Variants in NRIP1 observed in about 807,000 individuals in gnomAD.
NRIP1 encodes the protein nuclear receptor-interacting protein 1.
NRIP1 carries 28 observed loss-of-function variants against 75.0 expected under a neutral mutation model. The observed-to-expected ratio is 0.37, with a 90% confidence interval of 0.28 to 0.51. The LOEUF (loss-of-function observed/expected upper bound fraction) is 0.51, where lower values mean the gene tolerates loss of function less well. Among genes scored for constraint, NRIP1 ranks in the 20% least tolerant of loss-of-function variants. NRIP1 has a pLI of 0.92. For missense variants in NRIP1, 1,435 were observed against 1,343.7 expected (o/e 1.07, Z -1.06); for synonymous variants, 526 against 487.6 (o/e 1.08, Z -1.04).
intron 3 of NRIP1, among the ~76,000 whole-genome samples, chr21:14,972,399 G>C (rs1156550989): frequency 1.3e-5 from 2 of 152,082 alleles, no homozygotes; most frequent in East Asian, 3.9e-4. Flanking sequence ...TATGGATTTA[G>C]GGTATTAAGG....
At chr21:15,005,994 T>G (rs2087962807) in intron 3 of NRIP1, among the ~76,000 whole-genome samples, 1 of 152,116 alleles carries the variant, frequency 6.6e-6, no homozygotes, top group Non-Finnish European at 1.5e-5. Flanking sequence ...AAAAAATATT[T>G]CCATCAATAT....
intron 1 of NRIP1, among the ~76,000 whole-genome samples, chr21:15,064,395 G>A (rs1400408474): frequency 6.6e-6 from 1 of 152,196 alleles, no homozygotes; most frequent in Non-Finnish European, 1.5e-5. Context: ...CGGGGTTCGG[G>A]ACCGAGAGGG....
intron 3 of NRIP1, among the ~76,000 whole-genome samples, chr21:14,981,501 C>T (rs568137858): frequency 1.3e-5 from 2 of 152,252 alleles, no homozygotes; most frequent in Non-Finnish European, 2.9e-5. Context: ...CAGATACAGA[C>T]CCAGGTTGGG....
At chr21:14,997,198 T>G (rs891822090) in intron 3 of NRIP1, among the ~76,000 whole-genome samples, 1 of 152,154 alleles carries the variant, frequency 6.6e-6, no homozygotes, top group Non-Finnish European at 1.5e-5. Context: ...ATGAGTGATA[T>G]TTGAAGAAAG....
intron 2 of NRIP1, among the ~76,000 whole-genome samples, chr21:15,036,306 C>T (rs1600907324): frequency 6.6e-6 from 1 of 152,140 alleles, no homozygotes; most frequent in African/African-American, 2.4e-5. Context: ...CCCAATTGCA[C>T]ATCATATTTT....
intron 2 of NRIP1, among the ~76,000 whole-genome samples, chr21:15,028,109 T>C (rs544958266): frequency 4.9e-4 from 74 of 152,328 alleles, no homozygotes; most frequent in African/African-American, 1.7e-3. Context: ...TTCTTGAGTA[T>C]CTAGCATGTG....
intron 3 of NRIP1, among the ~76,000 whole-genome samples, chr21:15,004,618 G>A (rs1038464510): frequency 5.1e-4 from 78 of 152,366 alleles, no homozygotes; most frequent in Admixed American, 4.4e-3. Flanking sequence ...TATGGCTACC[G>A]AGTGTTCATG....
rs76591675 is a variant in NRIP1, at chr21:14,990,986, T to C, written c.-334-22460A>G. Among the ~76,000 whole-genome samples, 37 of 152,228 alleles carry C rather than the reference T, an allele frequency of 2.4e-4. 1 individual carries two copies. The East Asian group carries it at 7.0e-3, about 29-fold the overall frequency. Reference sequence around the variant, plus strand: ...AGGGCTCTACGTGCTTCTCGTTTCATTTGCTGCTGTCAACTATTAGGTTGC... The same window carrying C: ...AGGGCTCTACGTGCTTCTCGTTTCACTTGCTGCTGTCAACTATTAGGTTGC... On this transcript the variant is annotated intron_variant, in intron 3 of 3. Transcript: ENST00000318948.
chr21:15,001,577 A>C (rs984820220), intron 3 of NRIP1, among the ~76,000 whole-genome samples: 1 of 152,184 alleles, frequency 6.6e-6, no homozygotes, highest in Admixed American at 6.5e-5. Flanking sequence ...AAAAATTATA[A>C]GAAATATGCA....
Position 14,968,453 on chromosome 21 carries a change from G to C in NRIP1, c.-261C>G, listed in dbSNP as rs957733563. 7.3e-5 allele frequency: 27 copies of C among 367,512 alleles called. No homozygotes were observed. Among genetic ancestry groups the C allele is most frequent in the African/African-American group, 4.0e-4 (19 of 47,864 alleles). The allele number at this position is 367,512 out of a possible 1,614,324, so 22.8% of individuals were successfully genotyped here. A position where few individuals can be genotyped will look rare whatever the true frequency, so the allele number is the denominator to read the frequency against. On this transcript the variant is annotated 5_prime_UTR_variant, in exon 4 of 4. In the 5' UTR this introduces an upstream ATG that the reference lacks. Coordinates refer to ENST00000318948, the MANE Select transcript of NRIP1 (RefSeq NM_003489.4). Reference sequence around the variant, plus strand: ...ACACATAGGTCTGTAGCAGTAAGCAGATAGAATCCTTAGTGAATATATTCC... The same window carrying C: ...ACACATAGGTCTGTAGCAGTAAGCACATAGAATCCTTAGTGAATATATTCC...
rs561958782 is a variant in NRIP1 at position 14,982,040 on chromosome 21, G to T, written c.-334-13514C>A. Among the ~76,000 whole-genome samples the T allele has an allele frequency of 2.0e-5, 3 of 151,990 alleles. No individual in the cohort carries two copies. In the South Asian group the frequency reaches 6.2e-4, roughly 32 times the overall value. On this transcript the variant is annotated intron_variant, in intron 3 of 3. Coordinates refer to ENST00000318948, the MANE Select transcript of NRIP1 (RefSeq NM_003489.4). Reference sequence around the variant, plus strand: ...ACTAACTTTTGATTTTTGTAGGGACGGGTTTTACCATATTGCCCAGGGTGG... The same window carrying T: ...ACTAACTTTTGATTTTTGTAGGGACTGGTTTTACCATATTGCCCAGGGTGG...
chr21:15,011,755 G>A (rs1271592582), intron 3 of NRIP1, among the ~76,000 whole-genome samples: 1 of 152,032 alleles, frequency 6.6e-6, no homozygotes, highest in African/African-American at 2.4e-5. Context: ...TTTTGTATCA[G>A]CAATTTTATC....
intron 3 of NRIP1, among the ~76,000 whole-genome samples, chr21:14,969,374 TA>T (rs1242881554): frequency 1.3e-5 from 2 of 152,142 alleles, no homozygotes; most frequent in Non-Finnish European, 2.9e-5. Context: ...TAAACATATA[TA>T]AAAAGTACAA....
intron 2 of NRIP1, among the ~76,000 whole-genome samples, chr21:15,041,228 A>G (rs1279374403): frequency 6.6e-6 from 1 of 152,214 alleles, no homozygotes; most frequent in Non-Finnish European, 1.5e-5. Context: ...TGATAAAAAA[A>G]GACACTGATG....
chr21:14,990,970 C>A (rs890193737), intron 3 of NRIP1, among the ~76,000 whole-genome samples: 2 of 152,130 alleles, frequency 1.3e-5, no homozygotes, highest in Admixed American at 6.5e-5. Context: ...AAGGGCTCTA[C>A]GTGCTTCTCG....
intron 1 of NRIP1, among the ~76,000 whole-genome samples, chr21:15,049,850 A>G (rs1016400500): frequency 2.0e-5 from 3 of 152,092 alleles, no homozygotes; most frequent in Admixed American, 6.5e-5. Flanking sequence ...ACGTAAATCT[A>G]TATTAGATCC....
At chr21:15,050,689 G>A (rs2089181881) in intron 1 of NRIP1, 1 of 455,596 alleles carries the variant, frequency 2.2e-6, no homozygotes, top group African/African-American at 2.0e-5. Flanking sequence ...TATTGTTTAT[G>A]TTTCTTATTT....
At chr21:15,050,708 T>G in intron 1 of NRIP1, 3 of 456,072 alleles carry the variant, frequency 6.6e-6, no homozygotes, top group South Asian at 4.6e-5. Flanking sequence ...TTTCTGTATA[T>G]TATGATGGTT....
At chr21:15,028,288 C>T (rs1357512085) in intron 2 of NRIP1, among the ~76,000 whole-genome samples, 2 of 152,194 alleles carry the variant, frequency 1.3e-5, no homozygotes, top group African/African-American at 4.8e-5. Flanking sequence ...GCCATTCATC[C>T]TGATAAACTT....
Sources: gnomAD v4.1 joint callset for allele counts (sites outside exome capture counted in the v4.1 genomes callset) on GRCh38, gnomAD v4.1.1 for gene constraint, MANE v1.5 for transcripts, NCBI Gene and HGNC (gene_info 2026-07-23, HGNC 2026-07-21) for gene names.